MEF2A: variants seen among roughly 807,000 people sequenced by gnomAD.
MEF2A encodes the protein myocyte-specific enhancer factor 2A.
A neutral mutation model predicts 55.8 loss-of-function variants in MEF2A; 28 were observed. The ratio of observed to expected loss-of-function variants is 0.50; its 90% CI spans 0.37 to 0.69. The LOEUF (loss-of-function observed/expected upper bound fraction) is 0.69, where lower values mean the gene tolerates loss of function less well. Ranked by LOEUF, MEF2A falls within the 30% of genes least tolerant of loss-of-function variation. The pLI, the probability that MEF2A is intolerant of heterozygous loss-of-function variation, is 0.00. For missense variants in MEF2A, 528 were observed against 626.2 expected (o/e 0.84, Z 1.67); for synonymous variants, 239 against 227.1 (o/e 1.05, Z -0.47).
At chr15:99,627,512 C>T (rs2042244570) in intron 2 of MEF2A, among the ~76,000 whole-genome samples, 1 of 149,414 alleles carries the variant, frequency 6.7e-6, no homozygotes, top group Non-Finnish European at 1.5e-5. Context: ...TATAGGCATA[C>T]CCTGTTTCTT....
chr15:99,649,436 A>G (rs1477931387), intron 4 of MEF2A, among the ~76,000 whole-genome samples: 1 of 152,108 alleles, frequency 6.6e-6, no homozygotes, highest in Non-Finnish European at 1.5e-5. Flanking sequence ...TTTATTTCCC[A>G]TATTTCATTA....
At chr15:99,594,661 C>T (rs1350156761) in intron 1 of MEF2A, among the ~76,000 whole-genome samples, 2 of 152,074 alleles carry the variant, frequency 1.3e-5, no homozygotes, top group African/African-American at 4.8e-5. Context: ...CTAGGGCCCC[C>T]TAGTCACTAG....
At chr15:99,594,415 C>T (rs1301623934) in intron 1 of MEF2A, among the ~76,000 whole-genome samples, 5 of 151,404 alleles carry the variant, frequency 3.3e-5, no homozygotes, top group Admixed American at 1.3e-4. Context: ...GGAACCTCCA[C>T]GTGTTCAGCA....
intron 4 of MEF2A, among the ~76,000 whole-genome samples, chr15:99,665,753 A>AAAAC (rs2049535122): frequency 6.7e-6 from 1 of 149,530 alleles, no homozygotes; most frequent in African/African-American, 2.5e-5. Flanking sequence ...AAAAAAAAAA[A>AAAAC]AAGCCATCAA....
intron 4 of MEF2A, 67 bp downstream of exon 4, chr15:99,645,831 T>C: frequency 8.9e-7 from 1 of 1,126,072 alleles, no homozygotes; most frequent in Non-Finnish European, 1.3e-6. Flanking sequence ...TAGCATTAAC[T>C]GTCAGAATGA....
In MEF2A at chr15:99,573,372, A is replaced by C. The variant is rs182700239; in HGVS notation, c.-225+7268A>C. On this transcript the variant is annotated intron_variant, in intron 1 of 11. Transcript: ENST00000557942. ...AGTTTTCCCAAATCACACTTTAAAA[A>C]TCATAAAGGTACTTTCCAAATTATA... Among the ~76,000 whole-genome samples, 13 of 152,272 alleles carry C rather than the reference A, an allele frequency of 8.5e-5. No homozygotes were observed. In the East Asian group the frequency reaches 1.7e-3, roughly 20 times the overall value.
chr15:99,692,616 T>A (rs1027664730), intron 8 of MEF2A, among the ~76,000 whole-genome samples: 1 of 152,192 alleles, frequency 6.6e-6, no homozygotes, highest in Non-Finnish European at 1.5e-5. Context: ...GGGGCCGCAG[T>A]ATAACACAGG....
intron 1 of MEF2A, among the ~76,000 whole-genome samples, chr15:99,586,871 A>G (rs908371153): frequency 2.0e-5 from 3 of 152,184 alleles, no homozygotes; most frequent in African/African-American, 7.2e-5. Context: ...TTCAAGTATC[A>G]TTTGTTGATA....
intron 7 of MEF2A, among the ~76,000 whole-genome samples, chr15:99,682,247 T>A (rs1369414882): frequency 2.0e-5 from 3 of 152,222 alleles, no homozygotes; most frequent in Non-Finnish European, 4.4e-5. Context: ...CTGACCTATC[T>A]TACAGCTATA....
At chr15:99,615,232 C>G (rs1238470222) in intron 2 of MEF2A, among the ~76,000 whole-genome samples, 1 of 152,060 alleles carries the variant, frequency 6.6e-6, no homozygotes, top group African/African-American at 2.4e-5. Flanking sequence ...TTGGATATAG[C>G]CAGTTAGGCT....
chr15:99,595,640 A>C (rs973377980), intron 1 of MEF2A, among the ~76,000 whole-genome samples: 1 of 152,192 alleles, frequency 6.6e-6, no homozygotes, highest in Non-Finnish European at 1.5e-5. Context: ...TCCTTCTTTT[A>C]AAAAAGCATA....
chr15:99,609,264 G>A (rs528108611), intron 2 of MEF2A, among the ~76,000 whole-genome samples: 3 of 152,234 alleles, frequency 2.0e-5, no homozygotes, highest in South Asian at 2.1e-4. Flanking sequence ...GTGTATTTTT[G>A]TATGTTTATT....
intron 1 of MEF2A, among the ~76,000 whole-genome samples, chr15:99,591,923 G>A (rs985860781): frequency 7.2e-5 from 11 of 152,072 alleles, no homozygotes; most frequent in African/African-American, 2.7e-4. Flanking sequence ...AAGACACCCT[G>A]TCTTGCTTCT....
intron 4 of MEF2A, among the ~76,000 whole-genome samples, chr15:99,655,814 G>C (rs563245609): frequency 1.3e-5 from 2 of 152,004 alleles, no homozygotes; most frequent in Non-Finnish European, 2.9e-5. Flanking sequence ...TATTATTATA[G>C]AGAGAGAGAA....
chr15:99,645,342 T>C (rs2045795351), intron 3 of MEF2A, among the ~76,000 whole-genome samples: 2 of 152,184 alleles, frequency 1.3e-5, no homozygotes, highest in Non-Finnish European at 2.9e-5. Flanking sequence ...AAGGAAATAC[T>C]TCCCCAGGAG....
At chr15:99,649,951 C>T (rs151193027) in intron 4 of MEF2A, among the ~76,000 whole-genome samples, 11 of 152,030 alleles carry the variant, frequency 7.2e-5, no homozygotes, top group East Asian at 3.9e-4. Flanking sequence ...TAAAAATAGC[C>T]GTGACTTGGT....
chr15:99,643,228 A>T (rs1307711275), intron 3 of MEF2A, among the ~76,000 whole-genome samples: 3 of 152,164 alleles, frequency 2.0e-5, no homozygotes, highest in East Asian at 3.8e-4. Context: ...ACTAATTAAC[A>T]CTCTACTAAT....
chr15:99,688,099 T>C (rs1597161482), intron 7 of MEF2A, among the ~76,000 whole-genome samples: 1 of 152,262 alleles, frequency 6.6e-6, no homozygotes, highest in East Asian at 1.9e-4. Flanking sequence ...TCTTCTCTGC[T>C]TTATTTGTGA....
At chr15:99,586,775 G>C (rs1162614703) in intron 1 of MEF2A, among the ~76,000 whole-genome samples, 7 of 152,046 alleles carry the variant, frequency 4.6e-5, no homozygotes, top group East Asian at 1.9e-4. Context: ...ATAAAACTTT[G>C]AGAAGTTTTA....
Sources: allele counts gnomAD v4.1 joint callset (sites outside exome capture counted in the v4.1 genomes callset), GRCh38; gene constraint gnomAD v4.1.1; transcripts MANE v1.5; gene names NCBI Gene and HGNC (gene_info 2026-07-23, HGNC 2026-07-21).